Variants in FCHSD2 observed in about 807,000 individuals in gnomAD.
FCHSD2 encodes the protein F-BAR and double SH3 domains protein 2.
A neutral mutation model predicts 108.1 loss-of-function variants in FCHSD2; 38 were observed. The observed-to-expected ratio is 0.35, with a 90% CI of 0.27 to 0.46. FCHSD2 has a LOEUF of 0.46. FCHSD2 is among the 20% of genes least tolerant of loss of function. FCHSD2 has a pLI of 1.00. For missense variants in FCHSD2, 751 were observed against 897.8 expected (o/e 0.84, Z 2.09); for synonymous variants, 279 against 314.7 (o/e 0.89, Z 1.20).
At chr11:72,908,756 T>G (rs1855686860) in intron 9 of FCHSD2, among the ~76,000 whole-genome samples, 2 of 152,102 alleles carry the variant, frequency 1.3e-5, no homozygotes, top group African/African-American at 4.8e-5. Context: ...AGCCTCTGCC[T>G]CCCTGGCTCA....
intron 9 of FCHSD2, among the ~76,000 whole-genome samples, chr11:72,914,009 C>CTATTTATT (rs557391974): frequency 9.2e-5 from 14 of 151,814 alleles, no homozygotes; most frequent in Admixed American, 2.0e-4. Context: ...CTGCCTTAAG[C>CTATTTATT]TATTTATTTA....
intron 6 of FCHSD2, among the ~76,000 whole-genome samples, chr11:72,985,656 A>AC (rs1857296893): frequency 6.7e-6 from 1 of 148,418 alleles, no homozygotes; most frequent in Non-Finnish European, 1.5e-5. Context: ...CCTCTGCTCT[A>AC]AGGGGGTATT....
At chr11:73,027,165 G>C (rs1030337485) in intron 3 of FCHSD2, among the ~76,000 whole-genome samples, 4 of 152,200 alleles carry the variant, frequency 2.6e-5, no homozygotes, top group African/African-American at 7.2e-5. Context: ...GAGGATGTCG[G>C]AAAGTTTGGA....
intron 8 of FCHSD2, among the ~76,000 whole-genome samples, chr11:72,963,817 G>A (rs936300598): frequency 2.0e-5 from 3 of 152,100 alleles, no homozygotes; most frequent in Non-Finnish European, 2.9e-5. Flanking sequence ...ACTGGCCCTC[G>A]GCTCACCTCC....
intron 14 of FCHSD2, among the ~76,000 whole-genome samples, chr11:72,843,995 G>A (rs935052639): frequency 2.0e-5 from 3 of 152,088 alleles, no homozygotes; most frequent in Non-Finnish European, 2.9e-5. Context: ...GCAACAGAGC[G>A]AGACCCTGTC....
Position 72,836,787 on chromosome 11 carries a change from A to G in FCHSD2, c.*2004T>C, listed in dbSNP as rs1860741469. ...TTATTCAACATTTTATACATAATAAATACAAACTTTTTACAGCCACTGTAA... is the reference window on the plus strand; with the variant it reads ...TTATTCAACATTTTATACATAATAAGTACAAACTTTTTACAGCCACTGTAA... On this transcript the variant is annotated 3_prime_UTR_variant, in exon 20 of 20. Transcript: ENST00000409418. 6.6e-6 allele frequency: 1 copy of G among 152,648 alleles called. No homozygotes were observed. The highest frequency in any genetic ancestry group is 1.5e-5 in the Non-Finnish European group (1 of 68,046). The allele number at this position is 152,648 out of a possible 1,614,324, so 9.5% of individuals were successfully genotyped here. A position where few individuals can be genotyped will look rare whatever the true frequency, so the allele number is the denominator to read the frequency against.
chr11:72,965,334 TC>T (rs1235823692), intron 8 of FCHSD2, among the ~76,000 whole-genome samples: 1 of 152,208 alleles, frequency 6.6e-6, no homozygotes, highest in Non-Finnish European at 1.5e-5. Context: ...TAAATTTGAT[TC>T]AATTCTATGA....
intron 5 of FCHSD2, among the ~76,000 whole-genome samples, chr11:72,990,703 A>G (rs534982356): frequency 1.3e-5 from 2 of 152,358 alleles, no homozygotes; most frequent in Admixed American, 1.3e-4. Flanking sequence ...GGACACATTC[A>G]AAGCAGTGTG....
intron 3 of FCHSD2, among the ~76,000 whole-genome samples, chr11:73,065,142 C>CAAAA (rs1160629203): frequency 1.3e-5 from 2 of 152,182 alleles, no homozygotes; most frequent in Non-Finnish European, 2.9e-5. Flanking sequence ...AGCAGCACAT[C>CAAAA]AAAAAGCTTA....
chr11:72,898,477 T>G (rs1180361183), intron 10 of FCHSD2, among the ~76,000 whole-genome samples: 1 of 152,242 alleles, frequency 6.6e-6, no homozygotes, highest in Non-Finnish European at 1.5e-5. Flanking sequence ...TAATTCAAAC[T>G]ATAAAATTCA....
chr11:73,126,254 C>A (rs1041143904), intron 2 of FCHSD2, among the ~76,000 whole-genome samples: 55 of 141,022 alleles, frequency 3.9e-4, no homozygotes, highest in African/African-American at 1.4e-3. Flanking sequence ...GCAGGAGAAT[C>A]GCTTGAACCT....
At chr11:72,991,887 CAT>C (rs1191012832) in intron 5 of FCHSD2, among the ~76,000 whole-genome samples, 1 of 152,132 alleles carries the variant, frequency 6.6e-6, no homozygotes, top group Non-Finnish European at 1.5e-5. Flanking sequence ...TCCTATTCAA[CAT>C]AGTGTTGGAA....
chr11:72,992,839 C>T (rs373525177), intron 5 of FCHSD2, among the ~76,000 whole-genome samples: 532 of 152,278 alleles, frequency 3.5e-3, no homozygotes, highest in African/African-American at 0.012. Flanking sequence ...ATTCAGGACA[C>T]AGGCATAGGC....
chr11:73,076,110 G>C (rs1859545142), intron 3 of FCHSD2, among the ~76,000 whole-genome samples: 2 of 152,108 alleles, frequency 1.3e-5, no homozygotes, highest in African/African-American at 4.8e-5. Context: ...AACAGAGTGA[G>C]AACCCATCTC....
At chr11:73,031,720 C>A (rs1263023575) in intron 3 of FCHSD2, among the ~76,000 whole-genome samples, 1 of 152,158 alleles carries the variant, frequency 6.6e-6, no homozygotes, top group African/African-American at 2.4e-5. Context: ...AAGGCCAGTC[C>A]ACACTCCCGT....
At chr11:73,091,286 C>T (rs1449617174) in intron 2 of FCHSD2, among the ~76,000 whole-genome samples, 1 of 152,200 alleles carries the variant, frequency 6.6e-6, no homozygotes. Context: ...CGCCTGTAAT[C>T]TCAGCACTTT....
chr11:72,902,426 T>G, intron 10 of FCHSD2, 117 bp downstream of exon 10: 1 of 576,310 alleles, frequency 1.7e-6, no homozygotes, highest in Non-Finnish European at 3.0e-6. Context: ...CACAGTTTTG[T>G]TATAAAATTG....
chr11:73,128,545 G>A (rs995062392), intron 2 of FCHSD2, among the ~76,000 whole-genome samples: 1 of 152,018 alleles, frequency 6.6e-6, no homozygotes, highest in African/African-American at 2.4e-5. Context: ...TTTCTTCCCT[G>A]GTGGAACAAA....
At chr11:72,964,876 G>T (rs1856877269) in intron 8 of FCHSD2, among the ~76,000 whole-genome samples, 1 of 145,494 alleles carries the variant, frequency 6.9e-6, no homozygotes, top group Non-Finnish European at 1.5e-5. Context: ...TGCAAGTTCT[G>T]CCTCCCGGGT....
Sources: allele counts gnomAD v4.1 joint callset (sites outside exome capture counted in the v4.1 genomes callset), GRCh38; gene constraint gnomAD v4.1.1; transcripts MANE v1.5; gene names NCBI Gene and HGNC (gene_info 2026-07-23, HGNC 2026-07-21).